The following ARID4B variants were observed in gnomAD, a reference collection of about 807,000 sequenced individuals.
ARID4B encodes the protein AT-rich interactive domain-containing protein 4B.
Under a neutral mutation model 147.5 loss-of-function variants are expected in ARID4B, and 26 were observed. That is an observed-to-expected ratio of 0.18 (90% CI 0.13 to 0.24). The LOEUF (loss-of-function observed/expected upper bound fraction) is 0.24, where lower values mean the gene tolerates loss of function less well. ARID4B is among the 10% of genes least tolerant of loss of function. The pLI is 1.00. For missense variants in ARID4B, 1,179 were observed against 1,511.5 expected (o/e 0.78, Z 3.65); for synonymous variants, 512 against 507.9 (o/e 1.01, Z -0.11).
chr1:235,224,924 G>A (rs754145324), intron 11 of ARID4B, 149 bp from the exon 12 acceptor site: 1 of 594,666 alleles, frequency 1.7e-6, no homozygotes. Flanking sequence ...ACACTAAGCT[G>A]TTCAAAACCA....
intron 2 of ARID4B, among the ~76,000 whole-genome samples, chr1:235,273,905 G>A (rs1671142298): frequency 6.6e-6 from 1 of 152,202 alleles, no homozygotes; most frequent in South Asian, 2.1e-4. Flanking sequence ...GTTGCCTCAT[G>A]ATGTAGGAAC....
chr1:235,213,631 C>T lies in ARID4B; in HGVS notation c.1841+138G>A, dbSNP rs543030132. 260 of 933,298 alleles carry T rather than the reference C, an allele frequency of 2.8e-4. 1 individual carries two copies. The African/African-American group carries it at 4.2e-3, about 15-fold the overall frequency. The allele number at this position is 933,298 out of a possible 1,614,324, so 57.8% of individuals were successfully genotyped here. A position where few individuals can be genotyped will look rare whatever the true frequency, so the allele number is the denominator to read the frequency against. On this transcript the variant is annotated intron_variant, in intron 17 of 23. Transcript: ENST00000264183. ...AGTCACTAAGTGAGGTATTTACATG[C>T]TAAAAACTATTTTTTATAAGGTACT...
chr1:235,282,331 T>A (rs1433881652), intron 2 of ARID4B, among the ~76,000 whole-genome samples: 3 of 152,216 alleles, frequency 2.0e-5, no homozygotes, highest in Non-Finnish European at 4.4e-5. Context: ...TGTCTCTAAC[T>A]TACAAAAAGT....
intron 11 of ARID4B, among the ~76,000 whole-genome samples, chr1:235,227,284 T>C (rs1162173399): frequency 1.3e-5 from 2 of 152,156 alleles, no homozygotes; most frequent in Non-Finnish European, 2.9e-5. Context: ...AGATTCTATA[T>C]GAAAGCTTAA....
chr1:235,225,981 G>C (rs1667803292), intron 11 of ARID4B, among the ~76,000 whole-genome samples: 4 of 152,186 alleles, frequency 2.6e-5, no homozygotes, highest in African/African-American at 9.6e-5. Context: ...TTTTGGTAAG[G>C]TGATCAAATA....
intron 6 of ARID4B, among the ~76,000 whole-genome samples, chr1:235,248,298 A>G (rs1393655122): frequency 6.6e-6 from 1 of 152,018 alleles, no homozygotes; most frequent in African/African-American, 2.4e-5. Flanking sequence ...CATCTGCCCA[A>G]CTCGGCCTCC....
chr1:235,246,186 G>C (rs1023598071), intron 7 of ARID4B, among the ~76,000 whole-genome samples: 7 of 152,156 alleles, frequency 4.6e-5, no homozygotes, highest in Non-Finnish European at 2.9e-5. Flanking sequence ...TTTGACTACA[G>C]CATCAAGATA....
At position 235,214,613 on chromosome 1, in the gene ARID4B, A is replaced by G. The variant is rs1490391346; in HGVS notation, c.1584-587T>C. Reference sequence around the variant, plus strand: ...CAAATGTTATAATAACTGAAATACTATTTTAATTTAAACAGAAATATTCTA... The same window carrying G: ...CAAATGTTATAATAACTGAAATACTGTTTTAATTTAAACAGAAATATTCTA... On this transcript the variant is annotated intron_variant, in intron 16 of 23. Transcript: ENST00000264183. 2.6e-5 allele frequency among the ~76,000 whole-genome samples: 4 copies of G among 152,118 alleles called. No individual in the cohort carries two copies. In the South Asian group the frequency reaches 6.2e-4, roughly 24 times the overall value.
At chr1:235,170,689 G>T (rs1358676008) in intron 23 of ARID4B, among the ~76,000 whole-genome samples, 1 of 151,996 alleles carries the variant, frequency 6.6e-6, no homozygotes, top group African/African-American at 2.4e-5. Context: ...AGTGAGCCAA[G>T]ATTGCACCAC....
At chr1:235,240,838 T>C (rs1572057318) in intron 7 of ARID4B, among the ~76,000 whole-genome samples, 1 of 152,130 alleles carries the variant, frequency 6.6e-6, no homozygotes, top group Admixed American at 6.5e-5. Context: ...ATATCTCCAG[T>C]ACAAAGTTAA....
chr1:235,295,267 T>G lies in ARID4B; in HGVS notation c.6+31647A>C, dbSNP rs934070214. Among the ~76,000 whole-genome samples the G allele has an allele frequency of 1.1e-4, 16 of 152,252 alleles. 1 individual carries two copies. Among genetic ancestry groups the G allele is most frequent in the Middle Eastern group, 3.4e-3 (1 of 294 alleles). ...GCTCACGCCTGTAATCCCACCACTTTGGGAGGCTAAGGCAGGTAGATCACT... is the reference window on the plus strand; with the variant it reads ...GCTCACGCCTGTAATCCCACCACTTGGGGAGGCTAAGGCAGGTAGATCACT... On this transcript the variant is annotated intron_variant, in intron 2 of 23. Coordinates refer to ENST00000264183, the MANE Select transcript of ARID4B (RefSeq NM_016374.6).
At position 235,195,538 on chromosome 1, in the gene ARID4B, G is replaced by A. The variant is rs1014476849; in HGVS notation, c.1926+493C>T. ...AACTGGGAGGTGGAGGTTGCAGTGA[G>A]CCGAGGTTGCACCACTGTACTCCAG... On this transcript the variant is annotated intron_variant, in intron 18 of 23. Transcript: ENST00000264183. Among the ~76,000 whole-genome samples, 3 of 151,692 alleles carry A rather than the reference G, an allele frequency of 2.0e-5. No homozygotes were observed. In the East Asian group the frequency reaches 5.8e-4, roughly 29 times the overall value.
chr1:235,230,287 C>T (rs1372628317), intron 10 of ARID4B, among the ~76,000 whole-genome samples: 1 of 151,420 alleles, frequency 6.6e-6, no homozygotes. Context: ...AGTGGTGGGC[C>T]CCTATAGTCC....
chr1:235,226,712 C>G (rs953054920), intron 11 of ARID4B, among the ~76,000 whole-genome samples: 1 of 152,130 alleles, frequency 6.6e-6, no homozygotes, highest in Non-Finnish European at 1.5e-5. Context: ...TTAGTAGAGA[C>G]AGGGTTTCAC....
intron 2 of ARID4B, among the ~76,000 whole-genome samples, chr1:235,316,743 C>T (rs1674466039): frequency 6.6e-6 from 1 of 151,872 alleles, no homozygotes; most frequent in Non-Finnish European, 1.5e-5. Context: ...CGTTTGAATC[C>T]GGGAGCCGAG....
At chr1:235,304,716 A>C (rs1673423062) in intron 2 of ARID4B, among the ~76,000 whole-genome samples, 1 of 152,166 alleles carries the variant, frequency 6.6e-6, no homozygotes. Context: ...AGTTTATCAA[A>C]CCCAGTGGTT....
At chr1:235,289,776 T>C (rs907161311) in intron 2 of ARID4B, among the ~76,000 whole-genome samples, 1 of 145,190 alleles carries the variant, frequency 6.9e-6, no homozygotes, top group South Asian at 2.2e-4. Context: ...GCATATGACA[T>C]AAAAGGATAT....
At chr1:235,251,630 C>T (rs978207657) in intron 6 of ARID4B, among the ~76,000 whole-genome samples, 14 of 151,346 alleles carry the variant, frequency 9.3e-5, no homozygotes, top group African/African-American at 3.4e-4. Flanking sequence ...TAAGTAATAA[C>T]ACTACTAAAT....
intron 12 of ARID4B, among the ~76,000 whole-genome samples, chr1:235,223,783 G>A (rs993370018): frequency 6.6e-6 from 1 of 150,700 alleles, no homozygotes; most frequent in Non-Finnish European, 1.5e-5. Flanking sequence ...ACAGGGTAGG[G>A]GTACAATGCC....
Sources: gnomAD v4.1 joint callset for allele counts (sites outside exome capture counted in the v4.1 genomes callset) on GRCh38, gnomAD v4.1.1 for gene constraint, MANE v1.5 for transcripts, NCBI Gene and HGNC (gene_info 2026-07-23, HGNC 2026-07-21) for gene names.